The following XRCC4 variants were observed in gnomAD, a reference collection of about 807,000 sequenced individuals.
XRCC4 encodes the protein X-ray repair cross complementing 4, also known as DNA repair protein XRCC4.
A neutral mutation model predicts 39.1 loss-of-function variants in XRCC4; 28 were observed. The ratio of observed to expected loss-of-function variants is 0.72; its 90% confidence interval spans 0.53 to 0.98. The LOEUF (loss-of-function observed/expected upper bound fraction) is 0.98. XRCC4 is among the 50% of genes least tolerant of loss of function. XRCC4 has a pLI of 0.00. For missense variants in XRCC4, 350 were observed against 376.4 expected (o/e 0.93, Z 0.58); for synonymous variants, 123 against 126.4 (o/e 0.97, Z 0.18).
At chr5:83,099,827 A>G (rs1271848015) in intron 1 of XRCC4, among the ~76,000 whole-genome samples, 1 of 151,982 alleles carries the variant, frequency 6.6e-6, no homozygotes, top group African/African-American at 2.4e-5. Flanking sequence ...AGAGGATTCC[A>G]CCCCGTTTCT....
At chr5:83,111,659 T>A (rs1020400854) in intron 3 of XRCC4, among the ~76,000 whole-genome samples, 17 of 152,126 alleles carry the variant, frequency 1.1e-4, no homozygotes, top group Admixed American at 3.3e-4. Flanking sequence ...TAGTAAGTAT[T>A]AAGGATACTT....
intron 7 of XRCC4, among the ~76,000 whole-genome samples, chr5:83,271,514 A>G (rs1401647853): frequency 6.6e-6 from 1 of 152,230 alleles, no homozygotes; most frequent in Non-Finnish European, 1.5e-5. Context: ...TGTAACCATT[A>G]TATAAATGCT....
At chr5:83,254,486 A>G (rs1364149504) in intron 6 of XRCC4, among the ~76,000 whole-genome samples, 1 of 152,176 alleles carries the variant, frequency 6.6e-6, no homozygotes, top group Non-Finnish European at 1.5e-5. Context: ...TACACTTAAT[A>G]CGAATTGATT....
chr5:83,321,978 A>G (rs766083653), intron 7 of XRCC4, among the ~76,000 whole-genome samples: 5 of 150,350 alleles, frequency 3.3e-5, no homozygotes, highest in Non-Finnish European at 7.4e-5. Context: ...ACTATCTAGT[A>G]TGTATCATTT....
intron 6 of XRCC4, among the ~76,000 whole-genome samples, chr5:83,230,407 CT>C (rs1339920952): frequency 1.3e-5 from 2 of 152,060 alleles, no homozygotes; most frequent in Admixed American, 6.6e-5. Context: ...TTTGCCACCA[CT>C]GGAATCCACA....
intron 3 of XRCC4, among the ~76,000 whole-genome samples, chr5:83,136,974 A>C (rs912605901): frequency 2.0e-5 from 3 of 152,170 alleles, no homozygotes; most frequent in Non-Finnish European, 4.4e-5. Context: ...AAAAGAGGTA[A>C]CCGTGTGGTG....
intron 3 of XRCC4, among the ~76,000 whole-genome samples, chr5:83,139,551 G>A (rs1748067774): frequency 6.6e-6 from 1 of 152,164 alleles, no homozygotes; most frequent in African/African-American, 2.4e-5. Context: ...AGCAAATACA[G>A]TCACATGTTG....
chr5:83,215,882 T>A (rs1338883971), intron 6 of XRCC4, among the ~76,000 whole-genome samples: 1 of 152,098 alleles, frequency 6.6e-6, no homozygotes, highest in African/African-American at 2.4e-5. Context: ...ACAGAAAATC[T>A]CTGTGAACTT....
At chr5:83,202,086 C>G (rs1751227746) in intron 4 of XRCC4, 1 of 151,072 alleles carries the variant, frequency 6.6e-6, no homozygotes, top group South Asian at 2.1e-4. Context: ...ATGCCTGGCT[C>G]TTTGGCCTCT....
At chr5:83,135,510 A>G (rs7700253) in intron 3 of XRCC4, among the ~76,000 whole-genome samples, 73,435 of 151,264 alleles carry the variant, frequency 0.49, 18,737 homozygotes, top group African/African-American at 0.63. Context: ...TGATCTATTC[A>G]TTTATAGTTT....
At chr5:83,117,794 C>A (rs1452757773) in intron 3 of XRCC4, among the ~76,000 whole-genome samples, 1 of 151,760 alleles carries the variant, frequency 6.6e-6, no homozygotes, top group Non-Finnish European at 1.5e-5. Context: ...AGGTTTGTTA[C>A]ATAGGTAGAC....
At chr5:83,338,641 T>G (rs1321182848) in intron 7 of XRCC4, among the ~76,000 whole-genome samples, 2 of 152,174 alleles carry the variant, frequency 1.3e-5, no homozygotes, top group African/African-American at 4.8e-5. Flanking sequence ...TTTAAAGAAA[T>G]GAGACATTGT....
intron 7 of XRCC4, among the ~76,000 whole-genome samples, chr5:83,334,983 TCAACA>T: frequency 6.6e-6 from 1 of 151,974 alleles, no homozygotes; most frequent in South Asian, 2.1e-4. Context: ...TGATTATGAT[TCAACA>T]CTCAAAATAA....
intron 7 of XRCC4, among the ~76,000 whole-genome samples, chr5:83,303,247 GGTA>G (rs1314713653): frequency 6.6e-6 from 1 of 151,564 alleles, no homozygotes; most frequent in Non-Finnish European, 1.5e-5. Flanking sequence ...GTCAAACTTG[GGTA>G]GTAAGAATCT....
At chr5:83,214,149 A>G (rs1446232914) in intron 6 of XRCC4, among the ~76,000 whole-genome samples, 1 of 152,192 alleles carries the variant, frequency 6.6e-6, no homozygotes, top group Non-Finnish European at 1.5e-5. Flanking sequence ...TAGGAAAAAA[A>G]CAAGGTTGTC....
intron 3 of XRCC4, among the ~76,000 whole-genome samples, chr5:83,160,650 A>G (rs1209482088): frequency 6.6e-6 from 1 of 152,188 alleles, no homozygotes; most frequent in Non-Finnish European, 1.5e-5. Flanking sequence ...TTCTTTCAGA[A>G]TTATAATTAA....
At chr5:83,180,725 A>T (rs759417982) in intron 3 of XRCC4, among the ~76,000 whole-genome samples, 3 of 152,158 alleles carry the variant, frequency 2.0e-5, no homozygotes, top group Non-Finnish European at 4.4e-5. Flanking sequence ...GCTGGACACC[A>T]TTAGCTTTTT....
At chr5:83,159,405 C>T (rs1404362918) in intron 3 of XRCC4, among the ~76,000 whole-genome samples, 3 of 152,028 alleles carry the variant, frequency 2.0e-5, no homozygotes, top group African/African-American at 4.8e-5. Flanking sequence ...AAATGATATC[C>T]ATGAATGCCC....
At position 83,278,879 on chromosome 5, in the gene XRCC4, G is replaced by GT. The variant is rs1396997456; in HGVS notation, c.893+20203dup. Among the ~76,000 whole-genome samples, 5 of 150,100 alleles carry GT rather than the reference G, an allele frequency of 3.3e-5. No homozygotes were observed. In the South Asian group the frequency reaches 1.0e-3, roughly 31 times the overall value. ...GACGTGTGCCTATAATCCCAGGTAC[G>GT]TAGGGGGCTGAGGCAGGAGAATTGC... On this transcript the variant is annotated intron_variant, in intron 7 of 7. Transcript: ENST00000396027.
Sources: allele counts gnomAD v4.1 joint callset (sites outside exome capture counted in the v4.1 genomes callset), GRCh38; gene constraint gnomAD v4.1.1; transcripts MANE v1.5; gene names NCBI Gene and HGNC (gene_info 2026-07-23, HGNC 2026-07-21).